The following KMT2C variants were observed in gnomAD, a reference collection of about 807,000 sequenced individuals.
KMT2C encodes lysine methyltransferase 2C.
KMT2C carries 88 observed loss-of-function variants against 507.9 expected under a neutral mutation model. That is an observed-to-expected ratio of 0.17 (90% CI 0.15 to 0.21). The LOEUF is 0.21. Among genes scored for constraint, KMT2C ranks in the 10% least tolerant of loss-of-function variants. KMT2C has a pLI of 1.00. For synonymous variants in KMT2C, 2,049 were observed against 2,080.8 expected (o/e 0.98, Z 0.42); for missense variants, 4,954 against 5,957.8 (o/e 0.83, Z 5.55).
intron 50 of KMT2C, 125 bp downstream of exon 50, chr7:152,151,317 T>C (rs546105358): frequency 1.0e-6 from 1 of 974,344 alleles, no homozygotes; most frequent in African/African-American, 1.6e-5. Flanking sequence ...GCTGGTGCCA[T>C]CACCAGGAAC....
rs1188729137 is a variant in KMT2C, at chr7:152,259,446, G to GCGCGCACA, written c.1299+3569_1299+3570insTGTGCGCG. On this transcript the variant is annotated intron_variant, in intron 9 of 58. Transcript: ENST00000262189. ...GACAAAAACACAGACACACACACGC[G>GCGCGCACA]CACACACACACACACACACACACAC... Among the ~76,000 whole-genome samples, 124 of 134,778 alleles carry GCGCGCACA rather than the reference G, an allele frequency of 9.2e-4. 1 individual carries two copies. The highest frequency in any genetic ancestry group is 3.3e-3 in the African/African-American group (116 of 35,618). The allele number at this position is 134,778 out of a possible 152,430, so 88.4% of individuals were successfully genotyped here.
At chr7:152,364,609 C>CAAAAAAA (rs568794506) in intron 1 of KMT2C, among the ~76,000 whole-genome samples, 1 of 90,836 alleles carries the variant, frequency 1.1e-5, no homozygotes, top group African/African-American at 4.9e-5. Context: ...ACTCCGTCTC[C>CAAAAAAA]AAAAAAAAAA....
At chr7:152,328,297 G>T (rs966317974) in intron 3 of KMT2C, among the ~76,000 whole-genome samples, 1 of 152,194 alleles carries the variant, frequency 6.6e-6, no homozygotes, top group Non-Finnish European at 1.5e-5. Flanking sequence ...GATTCACATT[G>T]TATGTTCTTT....
chr7:152,429,891 T>C (rs899440995), intron 1 of KMT2C, among the ~76,000 whole-genome samples: 1 of 151,206 alleles, frequency 6.6e-6, no homozygotes, highest in South Asian at 2.1e-4. Flanking sequence ...AAAGAAATAA[T>C]CTCAGCCGGG....
intron 1 of KMT2C, among the ~76,000 whole-genome samples, chr7:152,375,429 A>G (rs2097321771): frequency 6.6e-6 from 1 of 151,670 alleles, no homozygotes; most frequent in Non-Finnish European, 1.5e-5. Context: ...TCTGTCGCCC[A>G]GGCTGGGGTG....
chr7:152,388,484 G>A (rs1323535987), intron 1 of KMT2C, among the ~76,000 whole-genome samples: 3 of 151,980 alleles, frequency 2.0e-5, no homozygotes, highest in East Asian at 3.9e-4. Context: ...GCTTGAACCC[G>A]GGAGGCGGAG....
rs576465736 is a variant in KMT2C at position 152,243,507 on chromosome 7, C to T, written c.2532+4395G>A. Among the ~76,000 whole-genome samples the T allele has an allele frequency of 3.3e-4, 50 of 152,148 alleles. 2 individuals carry two copies. The highest frequency in any genetic ancestry group is 1.4e-3 in the Admixed American group (21 of 15,272). ...CTTGAAATATTTACTGTAGGCTGGG[C>T]GTGGTGGCTCACCCCTGTAATCCCA... On this transcript the variant is annotated intron_variant, in intron 14 of 58. Coordinates refer to ENST00000262189, the MANE Select transcript of KMT2C (RefSeq NM_170606.3).
At chr7:152,347,801 T>C (rs1042155158) in intron 2 of KMT2C, among the ~76,000 whole-genome samples, 8 of 152,222 alleles carry the variant, frequency 5.3e-5, no homozygotes, top group South Asian at 2.1e-4. Flanking sequence ...CATACCTTTT[T>C]CTTAATTTTT....
chr7:152,419,917 G>C (rs947684458), intron 1 of KMT2C, among the ~76,000 whole-genome samples: 1 of 152,108 alleles, frequency 6.6e-6, no homozygotes, highest in Admixed American at 6.6e-5. Context: ...TTTCTCTTCG[G>C]TAAAGTCTGT....
chr7:152,374,334 T>C (rs1005775617), intron 1 of KMT2C, among the ~76,000 whole-genome samples: 3 of 150,940 alleles, frequency 2.0e-5, no homozygotes, highest in Non-Finnish European at 3.0e-5. Context: ...GTAATAATAA[T>C]AATAATAATT....
intron 1 of KMT2C, among the ~76,000 whole-genome samples, chr7:152,370,660 C>G (rs1446805858): frequency 6.6e-6 from 1 of 152,104 alleles, no homozygotes; most frequent in Non-Finnish European, 1.5e-5. Flanking sequence ...GAGTAATATA[C>G]CACACCATGT....
chr7:152,251,287 A>G (rs371224334), intron 11 of KMT2C, among the ~76,000 whole-genome samples: 6 of 152,152 alleles, frequency 3.9e-5, no homozygotes, highest in African/African-American at 1.4e-4. Context: ...TCTCTAAAAC[A>G]ATTTTTTTTA....
At chr7:152,370,143 G>A (rs1371697628) in intron 1 of KMT2C, among the ~76,000 whole-genome samples, 8 of 150,320 alleles carry the variant, frequency 5.3e-5, no homozygotes, top group African/African-American at 9.8e-5. Flanking sequence ...GCAGTGAGCC[G>A]AGATCACACA....
intron 3 of KMT2C, among the ~76,000 whole-genome samples, chr7:152,326,637 T>G (rs556288020): frequency 3.9e-5 from 6 of 152,154 alleles, no homozygotes; most frequent in Admixed American, 3.3e-4. Flanking sequence ...TCCCAGCACT[T>G]TGGGAGGCCG....
intron 18 of KMT2C, among the ~76,000 whole-genome samples, chr7:152,229,183 T>G (rs1024621045): frequency 1.3e-5 from 2 of 152,192 alleles, no homozygotes; most frequent in African/African-American, 4.8e-5. Context: ...ATGGCAGTAC[T>G]AGAAAAGATT....
At chr7:152,294,322 A>C (rs1330331303) in intron 6 of KMT2C, among the ~76,000 whole-genome samples, 1 of 152,208 alleles carries the variant, frequency 6.6e-6, no homozygotes, top group Non-Finnish European at 1.5e-5. Context: ...CCTGCATTTC[A>C]GAGTGAAAAG....
intron 3 of KMT2C, among the ~76,000 whole-genome samples, chr7:152,325,911 CTTTT>C (rs74740965): frequency 1.2e-4 from 16 of 136,398 alleles, no homozygotes; most frequent in East Asian, 1.0e-3. Context: ...TTAGGTCTTT[CTTTT>C]TTTTTTTTTT....
At position 152,149,252 on chromosome 7, in the gene KMT2C, T is replaced by C. The variant is rs1587692484; in HGVS notation, c.12775-100A>G. The C allele has an allele frequency of 1.2e-5, 14 of 1,156,144 alleles. No individual in the cohort carries two copies. In the East Asian group the frequency reaches 3.5e-4, roughly 29 times the overall value. 71.6% of individuals were successfully genotyped at this position (1,156,144 alleles called of 1,614,324 possible). A position where few individuals can be genotyped will look rare whatever the true frequency, so the allele number is the denominator to read the frequency against. Reference sequence around the variant, plus strand: ...AGCTGAGCAGTATGACTGAAGAGGATGGGTGACCTGAGGGGCAGAGGGAGA... The same window carrying C: ...AGCTGAGCAGTATGACTGAAGAGGACGGGTGACCTGAGGGGCAGAGGGAGA... On this transcript the variant is annotated intron_variant, in intron 51 of 58. Coordinates refer to ENST00000262189, the MANE Select transcript of KMT2C (RefSeq NM_170606.3).
chr7:152,250,294 C>G (rs2095543496), intron 12 of KMT2C, among the ~76,000 whole-genome samples: 1 of 152,030 alleles, frequency 6.6e-6, no homozygotes, highest in African/African-American at 2.4e-5. Flanking sequence ...TTTATGTATA[C>G]TATATAATTG....
Sources: gnomAD v4.1 joint callset for allele counts (sites outside exome capture counted in the v4.1 genomes callset) on GRCh38, gnomAD v4.1.1 for gene constraint, MANE v1.5 for transcripts, NCBI Gene and HGNC (gene_info 2026-07-23, HGNC 2026-07-21) for gene names.